Variants in MEGF6 observed in about 807,000 individuals in gnomAD.
MEGF6 encodes the protein multiple EGF like domains 6, also known as multiple epidermal growth factor-like domains protein 6.
Under a neutral mutation model 207.1 loss-of-function variants are expected in MEGF6, and 184 were observed. The observed-to-expected ratio is 0.89, with a 90% CI of 0.79 to 1.00. The LOEUF is 1.00. Ranked by LOEUF, MEGF6 falls within the 50% of genes least tolerant of loss-of-function variation. MEGF6 has a pLI of 0.00. For synonymous variants in MEGF6, 1,038 were observed against 910.0 expected (o/e 1.14, Z -2.53); for missense variants, 2,282 against 2,202.9 (o/e 1.04, Z -0.72).
rs748370395 is a variant in MEGF6 at position 3,501,888 on chromosome 1, G to A, written c.2222C>T (p.Ser741Leu). 9.3e-6 allele frequency: 15 copies of A among 1,608,344 alleles called. No individual in the cohort carries two copies. The highest frequency in any genetic ancestry group is 1.7e-4 in the Middle Eastern group (1 of 6,060). ...CPVGTFGVNCSSSCSCGGAPC... is the reference protein window; with the variant it reads ...CPVGTFGVNCLSSCSCGGAPC... ...GGCCCCCCCACAGGAGCAGGAGCTC[G>A]AGCAGTTCACGCCAAACGTCCCCAC... Residue 741 changes from serine to leucine, a missense_variant, in exon 18 of 37, where the codon TCG becomes TTG. Transcript: ENST00000356575.
At chr1:3,569,649 C>T (rs1570157581) in intron 4 of MEGF6, among the ~76,000 whole-genome samples, 1 of 152,236 alleles carries the variant, frequency 6.6e-6, no homozygotes, top group Non-Finnish European at 1.5e-5. Context: ...CACAGGGAGC[C>T]AAGAGGCCTG....
At chr1:3,567,355 G>GGGATCCTCCCCTCCCTACAAAGGC (rs1414930762) in intron 4 of MEGF6, among the ~76,000 whole-genome samples, 2 of 152,222 alleles carry the variant, frequency 1.3e-5, no homozygotes, top group Non-Finnish European at 2.9e-5. Flanking sequence ...CGCCTCTCCT[G>GGGATCCTCCCCTCCCTACAAAGGC]GGATCCTCCC....
upstream of MEGF6, among the ~76,000 whole-genome samples, chr1:3,611,882 G>A (rs983193243): frequency 6.6e-6 from 1 of 151,876 alleles, no homozygotes; most frequent in African/African-American, 2.4e-5. Context: ...AGGAGGGGCC[G>A]GGCGCCAGGG....
At chr1:3,536,433 G>A (rs1275837714) in intron 4 of MEGF6, among the ~76,000 whole-genome samples, 1 of 152,132 alleles carries the variant, frequency 6.6e-6, no homozygotes, top group African/African-American at 2.4e-5. Flanking sequence ...CTGAAGCTCT[G>A]GGGTGCGGAG....
intron 24 of MEGF6, 76 bp from the exon 25 acceptor site, chr1:3,498,902 C>T: frequency 2.0e-6 from 3 of 1,517,848 alleles, no homozygotes; most frequent in Non-Finnish European, 2.7e-6. Context: ...CTTTCCAGCC[C>T]CATGTTGGAC....
intron 4 of MEGF6, among the ~76,000 whole-genome samples, chr1:3,550,511 G>A (rs756875997): frequency 7.2e-5 from 11 of 152,120 alleles, no homozygotes; most frequent in Non-Finnish European, 1.5e-4. Flanking sequence ...TTTCAAAGGG[G>A]TTATTTTATG....
chr1:3,582,069 T>A (rs1643810141), intron 3 of MEGF6, among the ~76,000 whole-genome samples: 1 of 152,212 alleles, frequency 6.6e-6, no homozygotes, highest in African/African-American at 2.4e-5. Flanking sequence ...CGGAGCTGAC[T>A]CTGCCGGCGG....
intron 4 of MEGF6, among the ~76,000 whole-genome samples, chr1:3,544,432 CT>C (rs60631496): frequency 0.12 from 18,805 of 152,120 alleles, 2,075 homozygotes; most frequent in African/African-American, 0.3. Flanking sequence ...TGCAGGGGCC[CT>C]CGGGGGCCTC....
intron 3 of MEGF6, among the ~76,000 whole-genome samples, chr1:3,593,774 G>C (rs1644017063): frequency 6.6e-6 from 1 of 152,104 alleles, no homozygotes; most frequent in South Asian, 2.1e-4. Flanking sequence ...GCACAGCTCA[G>C]GTGCCATCAG....
chr1:3,531,209 A>G (rs1019147852), intron 4 of MEGF6: 1 of 1,499,072 alleles, frequency 6.7e-7, no homozygotes, highest in African/African-American at 1.5e-5. Flanking sequence ...CCAAGGCACC[A>G]GAGCGCGGCC....
chr1:3,595,311 G>A, intron 3 of MEGF6, 27 bp downstream of exon 3: 1 of 1,536,090 alleles, frequency 6.5e-7, no homozygotes, highest in Non-Finnish European at 9.0e-7. Flanking sequence ...GGTGGAGGGA[G>A]GGCGGGGAGG....
In MEGF6 at chr1:3,602,550, G is replaced by A. The variant is rs370293444; in HGVS notation, c.182C>T (p.Pro61Leu). 2.2e-5 allele frequency: 35 copies of A among 1,612,194 alleles called. No homozygotes were observed. Among genetic ancestry groups the A allele is most frequent in the African/African-American group, 1.5e-4 (11 of 74,896 alleles). ...CGTGTGGCTTAAGGCCTGCACGCACGGCTGGCGGCGGCCCACCAGGGTCAG... is the reference window on the plus strand; with the variant it reads ...CGTGTGGCTTAAGGCCTGCACGCACAGCTGGCGGCGGCCCACCAGGGTCAG... ...QELTLVGRRQ[P>L]CVQALSHTVP... is the part of the protein sequence containing the mutation. The change falls in exon 2 of 37, where the codon CCG becomes CTG. Residue 61 changes from proline to leucine, a missense_variant. By Grantham distance (98) the Pro-to-Leu change is moderately conservative. Transcript: ENST00000356575.
At chr1:3,539,785 A>C (rs1192908809) in intron 4 of MEGF6, among the ~76,000 whole-genome samples, 3 of 152,132 alleles carry the variant, frequency 2.0e-5, no homozygotes, top group Non-Finnish European at 4.4e-5. Context: ...TCCACTGGTC[A>C]CCTTCCCAGG....
chr1:3,602,877 C>T (rs1440415046), intron 1 of MEGF6, among the ~76,000 whole-genome samples: 1 of 152,228 alleles, frequency 6.6e-6, no homozygotes, highest in African/African-American at 2.4e-5. Flanking sequence ...TGCAACACAG[C>T]CACCAACGAC....
At position 3,567,952 on chromosome 1, in the gene MEGF6, G is replaced by C. The variant is rs115151807; in HGVS notation, c.481+11873C>G. ...CCCCAGGCTGCTGCCCGCCACCCTG[G>C]ACCCTTCTTCCCAAGGGTCTCACAG... On this transcript the variant is annotated intron_variant, in intron 4 of 36. Coordinates refer to ENST00000356575, the MANE Select transcript of MEGF6 (RefSeq NM_001409.4). 6.9e-3 allele frequency among the ~76,000 whole-genome samples: 1,054 copies of C among 152,182 alleles called. 8 individuals are homozygous for C. Among genetic ancestry groups the C allele is most frequent in the Non-Finnish European group, 9.7e-3 (659 of 68,002 alleles).
At chr1:3,617,319 G>C in the MEGF6 span, among the ~76,000 whole-genome samples, 3 of 150,920 alleles carry the variant, frequency 2.0e-5, no homozygotes, top group African/African-American at 7.3e-5. Context: ...GGGTTGAAGA[G>C]TGGCCTCCAA....
Position 3,496,798 on chromosome 1 carries a change from G to A in MEGF6, c.3614-15C>T, listed in dbSNP as rs147802194. ...GGGCGGACATCCTGCAGGGAGAGGG[G>A]CTAGCTGCAGGGGCTGGGGCTGGAG... On this transcript the variant is annotated splice_polypyrimidine_tract_variant and intron_variant, in intron 28 of 36. Coordinates refer to ENST00000356575, the MANE Select transcript of MEGF6 (RefSeq NM_001409.4). 2.8e-4 allele frequency: 441 copies of A among 1,551,446 alleles called. 1 individual carries two copies. The African/African-American group carries it at 4.7e-3, about 16-fold the overall frequency.
At chr1:3,580,665 G>A (rs2101757629) in intron 3 of MEGF6, among the ~76,000 whole-genome samples, 1 of 151,068 alleles carries the variant, frequency 6.6e-6, no homozygotes, top group South Asian at 2.1e-4. Flanking sequence ...TGGACCGGGT[G>A]CCCCCCGGGG....
intron 4 of MEGF6, among the ~76,000 whole-genome samples, chr1:3,530,529 C>T (rs980958981): frequency 2.0e-5 from 3 of 152,162 alleles, no homozygotes; most frequent in Non-Finnish European, 2.9e-5. Flanking sequence ...CTAGTGCAGG[C>T]GCCAGATCCC....
Sources: allele counts gnomAD v4.1 joint callset (sites outside exome capture counted in the v4.1 genomes callset), GRCh38; gene constraint gnomAD v4.1.1; transcripts MANE v1.5; gene names NCBI Gene and HGNC (gene_info 2026-07-23, HGNC 2026-07-21).